Variants in RNF213 observed in about 807,000 individuals in gnomAD.
The protein encoded by RNF213 is ring finger protein 213, also known as E3 ubiquitin-protein ligase RNF213.
RNF213 carries 341 observed loss-of-function variants against 514.4 expected under a neutral mutation model. The ratio of observed to expected loss-of-function variants is 0.66; its 90% CI spans 0.61 to 0.73. RNF213 has a LOEUF of 0.73. RNF213 is among the 30% of genes least tolerant of loss of function. RNF213 has a pLI of 0.00. For missense variants in RNF213, 5,767 were observed against 6,615.6 expected, an observed-to-expected ratio of 0.87 and a Z score of 4.45; for synonymous variants, 2,655 against 2,658.2, an observed-to-expected ratio of 1.00 and a Z score of 0.04.
At position 80,344,856 on chromosome 17, in the gene RNF213, T is replaced by C; in HGVS notation, c.6521T>C (p.Phe2174Ser). The C allele has an allele frequency of 1.9e-6, 3 of 1,614,150 alleles. No individual in the cohort carries two copies. Among genetic ancestry groups the C allele is most frequent in the Non-Finnish European group, 2.5e-6 (3 of 1,180,028 alleles). Residue 2174 changes from phenylalanine to serine, a missense_variant, in exon 29 of 68, where the codon TTC (phenylalanine) becomes TCC (serine). Phe to Ser is a radical substitution (Grantham distance 155). Around this residue, in one of 13 missense-constraint regions of RNF213, gnomAD observed 1,377 missense variants for 1,635.2 expected, o/e 0.84. Transcript: ENST00000582970. The stretch of plus-strand genomic sequence containing the variant: ...AGACCTTACCAGTATTTAAGACGAT[T>C]CAATCAAAACCAAGACCTAGACACG... ...FQRPYQYLRR[F>S]NQNQDLDTFQ...
chr17:80,302,277 TTGAA>T lies in RNF213; in HGVS notation c.2210+3762_2210+3765del, dbSNP rs531510308. Among the ~76,000 whole-genome samples, 346 of 152,272 alleles carry T rather than the reference TTGAA, an allele frequency of 2.3e-3. 3 individuals are homozygous for T. The highest frequency in any genetic ancestry group is 3.9e-3 in the Non-Finnish European group (266 of 68,016). ...TTTCAAATAGCTGGAAGAGTGGAGT[TTGAA>T]TGTTTCCAACACAAAGAAATAAATG... is the stretch of plus-strand genomic sequence containing the variant. On this transcript the variant is annotated intron_variant, in intron 11 of 67. Transcript: ENST00000582970.
intron 36 of RNF213, among the ~76,000 whole-genome samples, chr17:80,357,015 G>A (rs2078853500): frequency 6.6e-6 from 1 of 151,756 alleles, no homozygotes; most frequent in Non-Finnish European, 1.5e-5. Flanking sequence ...TGCCTCCCGG[G>A]TTCAAGCGAT....
chr17:80,313,652 T>G (rs1170743212), intron 15 of RNF213, among the ~76,000 whole-genome samples: 218 of 62,210 alleles, frequency 3.5e-3, no homozygotes, highest in African/African-American at 4.5e-3. Flanking sequence ...TGGTGATGGT[T>G]GTGGAGGTGA....
At position 80,263,562 on chromosome 17, in the gene RNF213, T is replaced by G. The variant is rs1157258823; in HGVS notation, c.-108-12T>G. ...GGGGACCAGCTGGGCTGCTGTGATT[T>G]CACTTTCGCAGAAAATGAAACTGAA... On this transcript the variant is annotated splice_polypyrimidine_tract_variant and intron_variant, in intron 1 of 67. Transcript: ENST00000582970. The surrounding 1 kb of genome is among the most constrained non-coding windows in gnomAD (Gnocchi z 4.9). 1 of 872,864 alleles carries G rather than the reference T, an allele frequency of 1.1e-6. No homozygotes were observed. Among genetic ancestry groups the G allele is most frequent in the Non-Finnish European group, 1.9e-6 (1 of 512,870 alleles). 54.1% of individuals were successfully genotyped at this position (872,864 alleles called of 1,614,324 possible).
intron 8 of RNF213, among the ~76,000 whole-genome samples, chr17:80,293,160 T>C (rs1158311885): frequency 6.6e-6 from 1 of 152,094 alleles, no homozygotes; most frequent in Non-Finnish European, 1.5e-5. Context: ...AGGGCTCAGC[T>C]GATCCTCCCC....
In RNF213 at chr17:80,332,180, A is replaced by C; in HGVS notation, c.3692A>C (p.His1231Pro). 6.5e-7 allele frequency: 1 copy of C among 1,537,200 alleles called. No homozygotes were observed. Among genetic ancestry groups the C allele is most frequent in the Non-Finnish European group, 8.7e-7 (1 of 1,146,916 alleles). ...AAGATAGACTTGCTCAGAGACAGCC[A>C]CATCTTCCAGCTCTTCTGGCGGGAA... is the stretch of plus-strand genomic sequence containing the variant. ...AGKIDLLRDS[H>P]IFQLFWREAA... The change falls in exon 21 of 68, where the codon CAC becomes CCC. Residue 1231 changes from histidine (H) to proline (P), a missense_variant. By Grantham distance (77) the His-to-Pro change is moderately conservative (BLOSUM62 -2). Transcript: ENST00000582970.
At position 80,370,881 on chromosome 17, in the gene RNF213, T is replaced by TGA. The variant is rs1179446712; in HGVS notation, c.12426-992_12426-991dup. Reference sequence around the variant, plus strand: ...AACAACTGACAATGTTGGTTGGTGATGATAACATTCAAGCTTTTAAGCTGA... The same window carrying TGA: ...AACAACTGACAATGTTGGTTGGTGATGAGATAACATTCAAGCTTTTAAGCTGA... On this transcript the variant is annotated intron_variant, in intron 46 of 67. Coordinates refer to ENST00000582970, the MANE Select transcript of RNF213 (RefSeq NM_001256071.3). Among the ~76,000 whole-genome samples the TGA allele has an allele frequency of 3.9e-5, 6 of 152,174 alleles. No homozygotes were observed. In the South Asian group the frequency reaches 1.0e-3, roughly 26 times the overall value.
intron 3 of RNF213, among the ~76,000 whole-genome samples, chr17:80,284,863 C>T (rs940765804): frequency 1.3e-5 from 2 of 152,200 alleles, no homozygotes; most frequent in Non-Finnish European, 2.9e-5. Context: ...GAAGCGCTTC[C>T]TCAAATCTCA....
chr17:80,295,714 A>G lies in RNF213; in HGVS notation c.1913A>G (p.Glu638Gly), dbSNP rs1391010223. The change falls in exon 10 of 68, where the codon GAA becomes GGA. Residue 638 changes from glutamate to glycine, a missense_variant. By Grantham distance (98) the Glu-to-Gly change is moderately conservative. Transcript: ENST00000582970. ...FVVEKIELLL[E>G]GSLDWLCHLL... ...GTGGAAAAAATTGAGCTTTTATTAG[A>G]AGGCAGCCTGGACTGGTTGTGTCAC... 6.2e-7 allele frequency: 1 copy of G among 1,614,134 alleles called. No homozygotes were observed. Among genetic ancestry groups the G allele is most frequent in the East Asian group, 2.2e-5 (1 of 44,872 alleles).
In RNF213 at chr17:80,386,813, G is replaced by A; in HGVS notation, c.14844G>A (p.Val4948=). The change falls in exon 63 of 68, where the codon GTG becomes GTA. Residue 4948 remains valine (V), a synonymous_variant. Transcript: ENST00000582970. The part of the protein sequence containing the change: ...QYQVEEGRET[V]QEFDLEKIQR... ...AGGTGGAGGAGGGCAGAGAGACCGT[G>A]CAGGAGTTCGATCTGGAGAAGATTC... The A allele has an allele frequency of 6.2e-7, 1 of 1,614,246 alleles. No individual in the cohort carries two copies. Among genetic ancestry groups the A allele is most frequent in the Admixed American group, 1.7e-5 (1 of 60,036 alleles).
intron 42 of RNF213, chr17:80,365,510 G>A (rs2079229707): frequency 6.7e-6 from 1 of 149,170 alleles, no homozygotes; most frequent in African/African-American, 2.6e-5. Flanking sequence ...GGGACAGAAA[G>A]CAGGGGAGGT....
In RNF213 at chr17:80,351,763, C is replaced by A. The variant is rs1383005377; in HGVS notation, c.10263C>A (p.Ser3421=). 1 of 1,612,288 alleles carries A rather than the reference C, an allele frequency of 6.2e-7. No homozygotes were observed. The highest frequency in any genetic ancestry group is 8.5e-7 in the Non-Finnish European group (1 of 1,178,630). Reference sequence around the variant, plus strand: ...TCGTCTATTTCATCACAAAACTGTCCCGGGTGGGAAGAGGAACAGCCTATG... The same window carrying A: ...TCGTCTATTTCATCACAAAACTGTCACGGGTGGGAAGAGGAACAGCCTATG... ...RIFVYFITKL[S]RVGRGTAYVG... Residue 3421 remains serine (S), a synonymous_variant, in exon 32 of 68, where the codon TCC becomes TCA. Transcript: ENST00000582970.
intron 21 of RNF213, 147 bp downstream of exon 21, chr17:80,332,778 T>G: frequency 1.1e-6 from 1 of 913,782 alleles, no homozygotes; most frequent in Non-Finnish European, 1.6e-6. Context: ...ACTTGAGGCC[T>G]GAATATCCCA....
At chr17:80,278,740 C>G in intron 3 of RNF213, 1 of 1,536,942 alleles carries the variant, frequency 6.5e-7, no homozygotes, top group Non-Finnish European at 8.7e-7. Flanking sequence ...CCTGCCCTGT[C>G]TGAAGGGGGT....
At position 80,374,491 on chromosome 17, in the gene RNF213, A is replaced by G; in HGVS notation, c.12976A>G (p.Arg4326Gly). Residue 4326 changes from arginine to glycine, a missense_variant, in exon 50 of 68, where the codon AGG becomes GGG. By Grantham distance (125) the Arg-to-Gly change is moderately radical. This residue lies in a region of RNF213 where 1,245 missense variants were observed against 1,339.0 expected (regional missense o/e 0.93). Coordinates refer to ENST00000582970, the MANE Select transcript of RNF213 (RefSeq NM_001256071.3). ...GCAGGACCACCCAGGCCAGATGGAT[A>G]GGTACCTGGTGTACGGCGATGAATA... ...LRQDHPGQMD[R>G]YLVYGDEYKA... The G allele has an allele frequency of 6.2e-7, 1 of 1,614,052 alleles. No individual in the cohort carries two copies. Among genetic ancestry groups the G allele is most frequent in the Non-Finnish European group, 8.5e-7 (1 of 1,179,902 alleles).
chr17:80,363,331 C>G lies in RNF213; in HGVS notation c.11568+17C>G. 6.2e-7 allele frequency: 1 copy of G among 1,610,808 alleles called. No individual in the cohort carries two copies. Among genetic ancestry groups the G allele is most frequent in the African/African-American group, 1.3e-5 (1 of 74,988 alleles). ...TGTGAGATGGTATGGCCCTCCTCCG[C>G]CTGCCCTGAGCAAGCCTTGTGGTGC... On this transcript the variant is annotated intron_variant, in intron 40 of 67. Transcript: ENST00000582970.
Position 80,347,716 on chromosome 17 carries a change from G to T in RNF213, c.9381G>T (p.Lys3127Asn), listed in dbSNP as rs547593431. ...ACTACGTCCACCTCGGCGGCCAGAA[G>T]TACGTGGACCTCGGTCTGGGGACCC... The part of the protein sequence containing the change: ...NQYYVHLGGQ[K>N]YVDLGLGTHR... The change falls in exon 29 of 68, where the codon AAG (lysine) becomes AAT (asparagine). Residue 3127 changes from lysine to asparagine, a missense_variant. Lys to Asn is a moderately conservative substitution (Grantham distance 94). Coordinates refer to ENST00000582970, the MANE Select transcript of RNF213 (RefSeq NM_001256071.3). The surrounding 1 kb of genome is among the most constrained non-coding windows in gnomAD (Gnocchi z 7.2). 1.9e-6 allele frequency: 3 copies of T among 1,614,108 alleles called. No individual in the cohort carries two copies. In the Admixed American group the frequency reaches 5.0e-5, roughly 27 times the overall value.
intron 42 of RNF213, 38 bp from the exon 43 acceptor site, chr17:80,367,710 C>T (rs1568142516): frequency 1.9e-6 from 3 of 1,563,272 alleles, no homozygotes; most frequent in South Asian, 1.1e-5. Flanking sequence ...CCTCAGCCCT[C>T]CCCCCTGCTA....
chr17:80,379,708 T>C lies in RNF213; in HGVS notation c.13634T>C (p.Leu4545Pro). ...CACAAACCTCGGGACGGCTTTCATC[T>C]GGTCAAGTATGTGGGTCAGGATTCT... The part of the protein sequence containing the change: ...IDHKPRDGFH[L>P]VKDKADRTQT... The change falls in exon 55 of 68, where the codon CTG becomes CCG. Residue 4545 changes from leucine to proline, a missense_variant. Transcript: ENST00000582970. 1 of 1,613,980 alleles carries C rather than the reference T, an allele frequency of 6.2e-7. No homozygotes were observed. The highest frequency in any genetic ancestry group is 8.5e-7 in the Non-Finnish European group (1 of 1,179,826).
Sources: allele counts gnomAD v4.1 joint callset (sites outside exome capture counted in the v4.1 genomes callset), GRCh38; gene constraint gnomAD v4.1.1; regional missense constraint gnomAD v4.1.1; non-coding constraint Gnocchi (gnomAD v3.1); transcripts MANE v1.5; gene names NCBI Gene and HGNC (gene_info 2026-07-23, HGNC 2026-07-21).